SOX6: variants seen among roughly 807,000 people sequenced by gnomAD.
The protein encoded by SOX6 is transcription factor SOX-6.
SOX6 carries 11 observed loss-of-function variants against 97.8 expected under a neutral mutation model. That is an observed-to-expected ratio of 0.11 (90% confidence interval 0.07 to 0.19). The LOEUF is 0.19. Among genes scored for constraint, SOX6 ranks in the 10% least tolerant of loss-of-function variants. SOX6 has a pLI of 1.00. For missense variants in SOX6, 810 were observed against 1,039.5 expected (o/e 0.78, Z 3.04); for synonymous variants, 360 against 371.4 (o/e 0.97, Z 0.35).
intron 4 of SOX6, among the ~76,000 whole-genome samples, chr11:16,493,475 T>C: frequency 6.6e-6 from 1 of 152,194 alleles, no homozygotes; most frequent in East Asian, 1.9e-4. Context: ...TGATGTTTTT[T>C]CCCTTTGGAG....
intron 9 of SOX6, among the ~76,000 whole-genome samples, chr11:16,090,636 GA>G (rs560186228): frequency 1.4e-4 from 21 of 146,376 alleles, no homozygotes; most frequent in African/African-American, 3.7e-4. Context: ...ATATTTTCCG[GA>G]AAAAAAAAAG....
In SOX6 at chr11:16,607,330, C is replaced by T. The variant is rs1186260655; in HGVS notation, n.609+4751G>A. 1 of 152,618 alleles carries T rather than the reference C, an allele frequency of 6.6e-6. No homozygotes were observed. Among genetic ancestry groups the T allele is most frequent in the African/African-American group, 2.4e-5 (1 of 41,476 alleles). The allele number at this position is 152,618 out of a possible 1,614,324, so 9.5% of individuals were successfully genotyped here. On this transcript the variant is annotated intron_variant and non_coding_transcript_variant, in intron 4 of 5. Coordinates refer to the SOX6 transcript ENST00000524520. The surrounding 1 kb of genome is among the most constrained non-coding windows in gnomAD (Gnocchi z 6.5). ...CCTCCCTCGCTCTCGAGATCGCTCG[C>T]TCCGTCCCGGTTACCTGGGCGGGCT...
At chr11:16,577,675 T>C (rs1441929595) in intron 4 of SOX6, among the ~76,000 whole-genome samples, 1 of 152,210 alleles carries the variant, frequency 6.6e-6, no homozygotes, top group Non-Finnish European at 1.5e-5. Flanking sequence ...ATTTCCTTAA[T>C]GTCTAATGAT....
intron 4 of SOX6, among the ~76,000 whole-genome samples, chr11:16,549,497 CTGA>C (rs1186641397): frequency 3.9e-5 from 6 of 152,152 alleles, no homozygotes; most frequent in Non-Finnish European, 8.8e-5. Context: ...AGAGCCCATG[CTGA>C]TGAGAATACA....
intron 3 of SOX6, among the ~76,000 whole-genome samples, chr11:16,619,909 C>A (rs1237707207): frequency 6.6e-6 from 1 of 151,956 alleles, no homozygotes; most frequent in Admixed American, 6.6e-5. Flanking sequence ...TCAACTATCT[C>A]CCAAATTATA....
chr11:16,389,649 A>G (rs1858100613), intron 1 of SOX6, among the ~76,000 whole-genome samples: 1 of 152,020 alleles, frequency 6.6e-6, no homozygotes, highest in Non-Finnish European at 1.5e-5. Flanking sequence ...AGATTCATTT[A>G]TAGTATTCTA....
intron 6 of SOX6, among the ~76,000 whole-genome samples, chr11:16,134,521 C>G (rs558523499): frequency 6.6e-6 from 1 of 152,154 alleles, no homozygotes; most frequent in African/African-American, 2.4e-5. Context: ...TTGTGGCAAC[C>G]CTGGTCAAGC....
At chr11:16,083,939 G>T (rs1249172250) in intron 9 of SOX6, among the ~76,000 whole-genome samples, 1 of 152,226 alleles carries the variant, frequency 6.6e-6, no homozygotes, top group African/African-American at 2.4e-5. Flanking sequence ...GACCTTTCTA[G>T]CTCTGAAAGT....
chr11:16,675,980 G>T (rs7116121), intron 3 of SOX6, among the ~76,000 whole-genome samples: 40,535 of 147,810 alleles, frequency 0.27, 5,990 homozygotes, highest in East Asian at 0.48. Flanking sequence ...GTCAAATTTC[G>T]AAAGTTTTAA....
Position 16,610,738 on chromosome 11 carries a change from C to T in SOX6, n.609+1343G>A, listed in dbSNP as rs1218515106. The stretch of plus-strand genomic sequence containing the variant: ...ACACGTGGCCCTGGGGGCGGGGGTG[C>T]CATCTAAGGGTTTCCTCTAAAGCCT... On this transcript the variant is annotated intron_variant and non_coding_transcript_variant, in intron 4 of 5. Coordinates refer to the SOX6 transcript ENST00000524520. This position sits in a 1 kb window ranked among gnomAD's most constrained non-coding sequence, Gnocchi z 4.4. 6.6e-6 allele frequency among the ~76,000 whole-genome samples: 1 copy of T among 152,118 alleles called. No homozygotes were observed. The highest frequency in any genetic ancestry group is 1.9e-4 in the East Asian group (1 of 5,186).
chr11:16,429,938 C>T (rs1859238729), intron 1 of SOX6, among the ~76,000 whole-genome samples: 1 of 152,152 alleles, frequency 6.6e-6, no homozygotes, highest in South Asian at 2.1e-4. Flanking sequence ...AGTAATCTGA[C>T]CTTGGGCAAG....
At chr11:16,726,328 A>C (rs1848306324) in intron 2 of SOX6, among the ~76,000 whole-genome samples, 1 of 152,214 alleles carries the variant, frequency 6.6e-6, no homozygotes, top group Non-Finnish European at 1.5e-5. Context: ...GGGGCACAAG[A>C]ATCGCTTGAA....
intron 12 of SOX6, among the ~76,000 whole-genome samples, chr11:16,034,634 T>C (rs1407343783): frequency 6.6e-6 from 1 of 151,832 alleles, no homozygotes; most frequent in African/African-American, 2.4e-5. Flanking sequence ...CAGCTGAAAA[T>C]GAAAATAATC....
intron 3 of SOX6, among the ~76,000 whole-genome samples, chr11:16,279,817 A>C (rs1854501152): frequency 6.6e-6 from 1 of 152,138 alleles, no homozygotes; most frequent in South Asian, 2.1e-4. Flanking sequence ...CAAAAGTGCC[A>C]GCTTAGTTAA....
chr11:16,600,902 TTACATTAATATAAATTGCTTTTCC>T (rs1480967461), intron 4 of SOX6, among the ~76,000 whole-genome samples: 1 of 152,204 alleles, frequency 6.6e-6, no homozygotes. Flanking sequence ...TAAACTGGGC[TTACATTAATATAAATTGCTTTTCC>T]TACACTATAT....
intron 3 of SOX6, among the ~76,000 whole-genome samples, chr11:16,660,151 G>A (rs7484140): frequency 0.99 from 151,330 of 152,218 alleles, 75,233 homozygotes; most frequent in East Asian, 1. Context: ...CTTTTCTTCT[G>A]TTTGTTTTAG....
At chr11:16,624,794 C>G (rs1462195574) in intron 3 of SOX6, among the ~76,000 whole-genome samples, 3 of 152,134 alleles carry the variant, frequency 2.0e-5, no homozygotes, top group Non-Finnish European at 2.9e-5. Context: ...TTGATATTGT[C>G]CAGTTTGTTT....
intron 2 of SOX6, 21 bp downstream of exon 2, chr11:16,340,991 G>A (rs748115174): frequency 1.9e-6 from 3 of 1,612,902 alleles, no homozygotes; most frequent in Non-Finnish European, 1.7e-6. Flanking sequence ...TAGTGGCAGT[G>A]GTCAGATTTT....
rs1057415305 is a variant in SOX6 at position 16,610,848 on chromosome 11, G to C, written n.609+1233C>G. 6.6e-6 allele frequency among the ~76,000 whole-genome samples: 1 copy of C among 152,196 alleles called. No homozygotes were observed. The highest frequency in any genetic ancestry group is 1.5e-5 in the Non-Finnish European group (1 of 68,038). ...AAAGTGCTGGGCTCTCCACCTACCT[G>C]GTGCGCACCGGCCTGCGGGCTCGGA... is the stretch of plus-strand genomic sequence containing the variant. On this transcript the variant is annotated intron_variant and non_coding_transcript_variant, in intron 4 of 5. Transcript: ENST00000524520. The surrounding 1 kb of genome is among the most constrained non-coding windows in gnomAD (Gnocchi z 4.4).
Sources: allele counts gnomAD v4.1 joint callset (sites outside exome capture counted in the v4.1 genomes callset), GRCh38; gene constraint gnomAD v4.1.1; non-coding constraint Gnocchi (gnomAD v3.1); transcripts MANE v1.5; gene names NCBI Gene and HGNC (gene_info 2026-07-23, HGNC 2026-07-21).